The following ZNF266 variants were observed in gnomAD, a reference collection of about 807,000 sequenced individuals.
The protein encoded by ZNF266 is zinc finger protein 1.
In ZNF266, 16 loss-of-function variants were observed where a neutral mutation model predicts 16.4. The ratio of observed to expected loss-of-function variants is 0.98; its 90% CI spans 0.66 to 1.48. ZNF266 has a LOEUF of 1.48. Ranked by LOEUF, ZNF266 falls within the 40% of genes most tolerant of loss-of-function variation. The pLI, the probability that ZNF266 is intolerant of heterozygous loss-of-function variation, is 0.00. For missense variants in ZNF266, 738 were observed against 689.1 expected (o/e 1.07, Z -0.79); for synonymous variants, 262 against 237.9 (o/e 1.10, Z -0.93).
chr19:9,431,870 G>A (rs1294393639), intron 5 of ZNF266, among the ~76,000 whole-genome samples: 1 of 152,198 alleles, frequency 6.6e-6, no homozygotes, highest in African/African-American at 2.4e-5. Context: ...TTGAGCGCAC[G>A]CACGACCTTT....
At position 9,414,198 on chromosome 19, in the gene ZNF266, T is replaced by G. The variant is rs781307963; in HGVS notation, c.928A>C (p.Lys310Gln). 5 of 1,614,086 alleles carry G rather than the reference T, an allele frequency of 3.1e-6. No individual in the cohort carries two copies. In the Admixed American group the frequency reaches 6.7e-5, roughly 22 times the overall value. ...THTGDNPYEC[K>Q]ECGKAFTRSC... is the part of the protein sequence containing the mutation. ...CTGGTGAAGGCTTTCCCACACTCCTTACACTCATAGGGATTGTCTCCAGTG... is the reference window on the plus strand; with the variant it reads ...CTGGTGAAGGCTTTCCCACACTCCTGACACTCATAGGGATTGTCTCCAGTG... The change falls in exon 11 of 11, where the codon AAG becomes CAG. Residue 310 changes from lysine to glutamine, a missense_variant. Transcript: ENST00000592904.
intron 10 of ZNF266, among the ~76,000 whole-genome samples, chr19:9,415,274 G>A (rs572676806): frequency 1.3e-5 from 2 of 152,272 alleles, no homozygotes; most frequent in African/African-American, 4.8e-5. Flanking sequence ...CAGCCTGGGT[G>A]ACAGACCAAG....
At chr19:9,424,176 G>A (rs1316669034) in intron 5 of ZNF266, among the ~76,000 whole-genome samples, 2 of 148,844 alleles carry the variant, frequency 1.3e-5, no homozygotes, top group East Asian at 2.0e-4. Flanking sequence ...ACAGGAGACT[G>A]CCACTTGGCC....
chr19:9,412,527 C>G lies in ZNF266; in HGVS notation c.*748G>C, dbSNP rs1009474996. On this transcript the variant is annotated 3_prime_UTR_variant, in exon 11 of 11. Coordinates refer to ENST00000592904, the MANE Select transcript of ZNF266 (RefSeq NM_001370374.1). ...GGCCTGCGGGTTGGACAAGCTTGAT[C>G]TAAAGCTTTTCCCAAGTTCCTCACA... 2 of 152,202 alleles carry G rather than the reference C, an allele frequency of 1.3e-5. No homozygotes were observed. The highest frequency in any genetic ancestry group is 2.4e-5 in the African/African-American group (1 of 41,442). 9.4% of individuals were successfully genotyped at this position (152,202 alleles called of 1,614,324 possible).
intron 5 of ZNF266, among the ~76,000 whole-genome samples, chr19:9,431,468 C>T (rs2071579589): frequency 6.6e-6 from 1 of 152,182 alleles, no homozygotes; most frequent in African/African-American, 2.4e-5. Context: ...AGGTTTGTTC[C>T]CAAAGGCCTC....
In ZNF266 at chr19:9,414,090, C is replaced by CA; in HGVS notation, c.1035dup (p.Val346CysfsTer15). ...ATATGTTGACTTAAGCAAGAGGAAA[C>CA]AGTGAAGGCTCTCCCACAATCCTTA... On this transcript the variant is annotated frameshift_variant, in exon 11 of 11. Coordinates refer to ENST00000592904, the MANE Select transcript of ZNF266 (RefSeq NM_001370374.1). LOFTEE classifies it low-confidence loss of function (END_TRUNC). 1 of 1,613,320 alleles carries CA rather than the reference C, an allele frequency of 6.2e-7. No homozygotes were observed. Among genetic ancestry groups the CA allele is most frequent in the Non-Finnish European group, 8.5e-7 (1 of 1,179,796 alleles).
chr19:9,422,422 C>G (rs1346863446), intron 5 of ZNF266, among the ~76,000 whole-genome samples: 1 of 152,156 alleles, frequency 6.6e-6, no homozygotes, highest in African/African-American at 2.4e-5. Flanking sequence ...CAATATGCAT[C>G]TGAGTTCTGA....
At chr19:9,421,848 CCTTT>C (rs112590677) in intron 5 of ZNF266, among the ~76,000 whole-genome samples, 86,259 of 149,672 alleles carry the variant, frequency 0.58, 25,079 homozygotes, top group African/African-American at 0.66. Context: ...AGCAACAAAA[CCTTT>C]CTTTTTTTTT....
rs768519521 is a variant in ZNF266, at chr19:9,414,247, G to A, written c.879C>T (p.Tyr293=). The A allele has an allele frequency of 6.2e-7, 1 of 1,614,180 alleles. No individual in the cohort carries two copies. Among genetic ancestry groups the A allele is most frequent in the Non-Finnish European group, 8.5e-7 (1 of 1,180,050 alleles). ...ECGKGFRYSA[Y]LNIHMGTHTG... is the part of the protein sequence containing the mutation. ...TGTGGGTTCCCATGTGAATATTAAGGTATGCAGAATATCTAAATCCTTTTC... is the reference window on the plus strand; with the variant it reads ...TGTGGGTTCCCATGTGAATATTAAGATATGCAGAATATCTAAATCCTTTTC... Residue 293 remains tyrosine (Y), a synonymous_variant, in exon 11 of 11, where the codon TAC becomes TAT. Coordinates refer to ENST00000592904, the MANE Select transcript of ZNF266 (RefSeq NM_001370374.1).
At chr19:9,417,464 C>T (rs1360047370) in intron 9 of ZNF266, among the ~76,000 whole-genome samples, 1 of 151,826 alleles carries the variant, frequency 6.6e-6, no homozygotes, top group Non-Finnish European at 1.5e-5. Flanking sequence ...CGTGGTGGCT[C>T]ACGCCTGTAA....
chr19:9,423,255 C>T (rs889924212), intron 5 of ZNF266, among the ~76,000 whole-genome samples: 2 of 152,128 alleles, frequency 1.3e-5, no homozygotes, highest in African/African-American at 4.8e-5. Context: ...TAGAGGAGAC[C>T]AGCCAGCCAT....
intron 5 of ZNF266, among the ~76,000 whole-genome samples, chr19:9,428,880 A>T (rs1025438345): frequency 6.8e-6 from 1 of 148,076 alleles, no homozygotes; most frequent in African/African-American, 2.5e-5. Context: ...CTACATATAT[A>T]TTTCACTTCT....
At chr19:9,429,145 A>G (rs1440984102) in intron 5 of ZNF266, among the ~76,000 whole-genome samples, 1 of 152,160 alleles carries the variant, frequency 6.6e-6, no homozygotes, top group African/African-American at 2.4e-5. Context: ...AGACAGAAAA[A>G]TGTCCTCAAA....
intron 9 of ZNF266, among the ~76,000 whole-genome samples, chr19:9,417,623 G>GGGCTGAGGCAGGAGATCAGAA (rs1374221657): frequency 7.2e-5 from 11 of 151,952 alleles, no homozygotes; most frequent in Admixed American, 5.3e-4. Context: ...GCTACTCAGG[G>GGGCTGAGGCAGGAGATCAGAA]GGCTGAGGCA....
At position 9,417,833 on chromosome 19, in the gene ZNF266, A is replaced by C; in HGVS notation, c.311T>G (p.Phe104Cys). 2 of 1,613,844 alleles carry C rather than the reference A, an allele frequency of 1.2e-6. No homozygotes were observed. The highest frequency in any genetic ancestry group is 1.7e-6 in the Non-Finnish European group (2 of 1,179,776). ...GGTCCTTTGTGAACACTCACCTTGG[A>C]AATCACCTCTCTGCACTGTCCTAGA... Reference protein sequence around the residue: ...EESRTVQRGDFQASEWKVQLK... With the variant: ...EESRTVQRGDCQASEWKVQLK... The change falls in exon 9 of 11, where the codon TTC (phenylalanine) becomes TGC (cysteine). Residue 104 changes from phenylalanine to cysteine, a missense_variant. Transcript: ENST00000592904.
intron 9 of ZNF266, among the ~76,000 whole-genome samples, chr19:9,416,661 GCCTT>G: frequency 8.6e-6 from 1 of 116,020 alleles, no homozygotes; most frequent in African/African-American, 3.5e-5. Flanking sequence ...ACCGTGCCAG[GCCTT>G]TTTTTTTTTT....
chr19:9,431,304 G>A (rs757048400), intron 5 of ZNF266, among the ~76,000 whole-genome samples: 3 of 152,158 alleles, frequency 2.0e-5, no homozygotes, highest in Middle Eastern at 6.3e-3. Flanking sequence ...CCACCACCCT[G>A]TGGCCCTCCT....
intron 9 of ZNF266, 124 bp from the exon 10 acceptor site, chr19:9,415,866 C>T: frequency 5.5e-6 from 4 of 723,504 alleles, no homozygotes; most frequent in Non-Finnish European, 8.8e-6. Context: ...CTCTGTTGCC[C>T]AGGCTGGAGT....
At position 9,413,012 on chromosome 19, in the gene ZNF266, T is replaced by C; in HGVS notation, c.*263A>G. 1 of 488,506 alleles carries C rather than the reference T, an allele frequency of 2.0e-6. No individual in the cohort carries two copies. The highest frequency in any genetic ancestry group is 3.6e-6 in the Non-Finnish European group (1 of 277,736). 30.3% of individuals were successfully genotyped at this position (488,506 alleles called of 1,614,324 possible). A position where few individuals can be genotyped will look rare whatever the true frequency, so the allele number is the denominator to read the frequency against. On this transcript the variant is annotated 3_prime_UTR_variant, in exon 11 of 11. Transcript: ENST00000592904. ...CATACACACATTAAGGTTTGTGGGATTCAGAAAGGTATTCCCAGATTCTCT... is the reference window on the plus strand; with the variant it reads ...CATACACACATTAAGGTTTGTGGGACTCAGAAAGGTATTCCCAGATTCTCT...
Sources: gnomAD v4.1 joint callset for allele counts (sites outside exome capture counted in the v4.1 genomes callset) on GRCh38, gnomAD v4.1.1 for gene constraint, MANE v1.5 for transcripts, NCBI Gene and HGNC (gene_info 2026-07-23, HGNC 2026-07-21) for gene names.